PHF24: variants seen among roughly 807,000 people sequenced by gnomAD.
PHF24 encodes Galpha inhibitory interacting protein.
PHF24 carries 25 observed loss-of-function variants against 42.6 expected under a neutral mutation model. That is an observed-to-expected ratio of 0.59 (90% CI 0.43 to 0.82). PHF24 has a LOEUF of 0.82. Ranked by LOEUF, PHF24 falls within the 40% of genes least tolerant of loss-of-function variation. The pLI, the probability that PHF24 is intolerant of heterozygous loss-of-function variation, is 0.00. For missense variants in PHF24, 470 were observed against 538.1 expected (o/e 0.87, Z 1.25); for synonymous variants, 185 against 204.8 (o/e 0.90, Z 0.83).
At chr9:34,719,720 G>A in the PHF24 span, among the ~76,000 whole-genome samples, 2 of 152,194 alleles carry the variant, frequency 1.3e-5, no homozygotes, top group Non-Finnish European at 2.9e-5. Flanking sequence ...ACCTGATGCT[G>A]CTGTGACCCT....
At chr9:34,736,228 C>G in the PHF24 span, among the ~76,000 whole-genome samples, 1 of 152,066 alleles carries the variant, frequency 6.6e-6, no homozygotes. Flanking sequence ...GTATATGCAA[C>G]TGACATCCCA....
At chr9:34,839,763 G>A in the PHF24 span, among the ~76,000 whole-genome samples, 2 of 152,098 alleles carry the variant, frequency 1.3e-5, no homozygotes, top group South Asian at 2.1e-4. Context: ...ATCTAGTTTC[G>A]AAGACAAGAC....
At chr9:34,833,876 A>T in the PHF24 span, 887 of 1,550,744 alleles carry the variant, frequency 5.7e-4, 2 homozygotes, top group African/African-American at 7.0e-3. Context: ...CTCTGTGATG[A>T]CAGATTGGCT....
chr9:34,752,812 A>G, the PHF24 span, among the ~76,000 whole-genome samples: 1 of 152,130 alleles, frequency 6.6e-6, no homozygotes, highest in African/African-American at 2.4e-5. Flanking sequence ...ACCAAATTCA[A>G]CAATGCATTG....
the PHF24 span, among the ~76,000 whole-genome samples, chr9:34,858,161 T>C: frequency 1.3e-5 from 2 of 152,198 alleles, no homozygotes; most frequent in African/African-American, 4.8e-5. Flanking sequence ...CTTTATTTTG[T>C]TTATTTGGTG....
chr9:34,825,043 G>A, the PHF24 span, among the ~76,000 whole-genome samples: 132 of 152,240 alleles, frequency 8.7e-4, no homozygotes, highest in Middle Eastern at 0.014. Context: ...ATAAAGTTTA[G>A]GCTAGAGCTA....
the PHF24 span, among the ~76,000 whole-genome samples, chr9:34,905,518 G>T: frequency 4.6e-5 from 7 of 152,202 alleles, no homozygotes; most frequent in East Asian, 1.2e-3. Flanking sequence ...GTATCTGAGA[G>T]TATGTGGTAT....
At chr9:34,963,258 GTTTTTTT>G (rs55701555) in intron 1 of PHF24, among the ~76,000 whole-genome samples, 1 of 117,112 alleles carries the variant, frequency 8.5e-6, no homozygotes, top group Non-Finnish European at 1.8e-5. Flanking sequence ...CTTTTTGATG[GTTTTTTT>G]TTTTTTTTTT....
the PHF24 span, chr9:34,725,059 T>TG: frequency 6.4e-7 from 1 of 1,551,906 alleles, no homozygotes; most frequent in Non-Finnish European, 8.7e-7. Flanking sequence ...CCGGGTCACT[T>TG]GCTGTCTGCA....
the PHF24 span, among the ~76,000 whole-genome samples, chr9:34,825,255 G>A: frequency 1.3e-5 from 2 of 151,960 alleles, no homozygotes; most frequent in African/African-American, 4.8e-5. Flanking sequence ...GGTGATGGGT[G>A]TATAGGCGAA....
the PHF24 span, among the ~76,000 whole-genome samples, chr9:34,940,188 AAGAT>A: frequency 6.6e-6 from 1 of 152,074 alleles, no homozygotes; most frequent in Non-Finnish European, 1.5e-5. Context: ...TCCTTGCACT[AAGAT>A]AGGGGAGCTA....
the PHF24 span, among the ~76,000 whole-genome samples, chr9:34,809,335 C>T: frequency 6.6e-6 from 1 of 152,266 alleles, no homozygotes; most frequent in South Asian, 2.1e-4. This position sits in a 1 kb window ranked among gnomAD's most constrained non-coding sequence, Gnocchi z 4.1. Context: ...CTATCAGTGG[C>T]TTAATTATTT....
chr9:34,976,934 T>C, intron 5 of PHF24, 149 bp from the exon 6 acceptor site: 1 of 973,520 alleles, frequency 1.0e-6, no homozygotes, highest in South Asian at 1.7e-5. Flanking sequence ...TGATCTGCCC[T>C]GGGCCGCACT....
At chr9:34,841,031 G>A in the PHF24 span, among the ~76,000 whole-genome samples, 6 of 151,284 alleles carry the variant, frequency 4.0e-5, no homozygotes, top group East Asian at 2.0e-4. Context: ...ACAGAGTCTC[G>A]CTCTGTCCCC....
At chr9:34,680,541 A>T in the PHF24 span, among the ~76,000 whole-genome samples, 1 of 149,522 alleles carries the variant, frequency 6.7e-6, no homozygotes, top group Admixed American at 6.6e-5. Flanking sequence ...ACAAAAAATT[A>T]GCCGGGCGTA....
chr9:34,900,736 G>A, the PHF24 span, among the ~76,000 whole-genome samples: 4 of 152,176 alleles, frequency 2.6e-5, no homozygotes, highest in Non-Finnish European at 5.9e-5. Context: ...TTTGGGAGGT[G>A]GGGCCTTTTG....
chr9:34,737,643 T>A, the PHF24 span, among the ~76,000 whole-genome samples: 1 of 152,222 alleles, frequency 6.6e-6, no homozygotes, highest in Non-Finnish European at 1.5e-5. Context: ...TGCACCATTT[T>A]ACATTTTCAC....
the PHF24 span, among the ~76,000 whole-genome samples, chr9:34,883,254 A>G: frequency 6.6e-6 from 1 of 152,228 alleles, no homozygotes; most frequent in Non-Finnish European, 1.5e-5. Context: ...CTAAAACCAT[A>G]AAAACCCTAG....
chr9:34,916,849 T>G, the PHF24 span, among the ~76,000 whole-genome samples: 1 of 152,182 alleles, frequency 6.6e-6, no homozygotes, highest in Non-Finnish European at 1.5e-5. Context: ...CTATGCAACT[T>G]AAAAAGATAA....
Sources: allele counts gnomAD v4.1 joint callset (sites outside exome capture counted in the v4.1 genomes callset), GRCh38; gene constraint gnomAD v4.1.1; non-coding constraint Gnocchi (gnomAD v3.1); transcripts MANE v1.5; gene names NCBI Gene and HGNC (gene_info 2026-07-23, HGNC 2026-07-21).